SMC5: variants seen among roughly 807,000 people sequenced by gnomAD.
SMC5 encodes the protein structural maintenance of chromosomes protein 5.
SMC5 carries 88 observed loss-of-function variants against 148.3 expected under a neutral mutation model. That is an observed-to-expected ratio of 0.59 (90% CI 0.50 to 0.71). The LOEUF (loss-of-function observed/expected upper bound fraction) is 0.71, where lower values mean the gene tolerates loss of function less well. Among genes scored for constraint, SMC5 ranks in the 30% least tolerant of loss-of-function variants. SMC5 has a pLI of 0.00. For missense variants in SMC5, 1,142 were observed against 1,298.9 expected, an observed-to-expected ratio of 0.88 and a Z score of 1.86; for synonymous variants, 421 against 432.8, an observed-to-expected ratio of 0.97 and a Z score of 0.34.
At chr9:70,285,567 A>G (rs2075123127) in intron 7 of SMC5, among the ~76,000 whole-genome samples, 1 of 152,334 alleles carries the variant, frequency 6.6e-6, no homozygotes, top group East Asian at 1.9e-4. Context: ...AAATGGTAGA[A>G]ACACTCCCAA....
intron 3 of SMC5, among the ~76,000 whole-genome samples, chr9:70,272,370 A>T (rs892993093): frequency 9.9e-5 from 15 of 152,176 alleles, no homozygotes; most frequent in African/African-American, 3.4e-4. Context: ...ATGTTTTTTT[A>T]AAAAAGGAAC....
At chr9:70,322,708 C>T (rs1587692069) in intron 15 of SMC5, among the ~76,000 whole-genome samples, 1 of 151,982 alleles carries the variant, frequency 6.6e-6, no homozygotes, top group Non-Finnish European at 1.5e-5. Flanking sequence ...TGGCGGTGGG[C>T]GCCTGTAATC....
At chr9:70,308,328 G>A (rs972060789) in intron 11 of SMC5, among the ~76,000 whole-genome samples, 2 of 151,936 alleles carry the variant, frequency 1.3e-5, no homozygotes, top group African/African-American at 2.4e-5. Flanking sequence ...ATCTGTGGCC[G>A]GGCGCGGTGG....
At chr9:70,346,726 G>A (rs1414495657) in intron 19 of SMC5, 77 bp downstream of exon 19, 2 of 1,445,846 alleles carry the variant, frequency 1.4e-6, no homozygotes, top group East Asian at 4.5e-5. Context: ...TTGCTTTAAG[G>A]CCCGGAGATG....
Position 70,328,814 on chromosome 9 carries a change from C to A in SMC5, c.2397+4671C>A, listed in dbSNP as rs569555290. Among the ~76,000 whole-genome samples, 3 of 152,328 alleles carry A rather than the reference C, an allele frequency of 2.0e-5. No homozygotes were observed. In the South Asian group the frequency reaches 6.2e-4, roughly 32 times the overall value. ...GTAGAGGTTCTCCATGAGGGCTTAG[C>A]CCCTGCAGCAGACTTCTGCCTGGAC... is the stretch of plus-strand genomic sequence containing the variant. On this transcript the variant is annotated intron_variant, in intron 17 of 24. Transcript: ENST00000361138.
At chr9:70,348,213 T>G (rs558338070) in intron 22 of SMC5, among the ~76,000 whole-genome samples, 175 bp downstream of exon 22, 31 of 151,678 alleles carry the variant, frequency 2.0e-4, no homozygotes, top group African/African-American at 4.4e-4. Flanking sequence ...TCACTTTTTT[T>G]GGGGGGGGTT....
Position 70,300,167 on chromosome 9 carries a change from T to C in SMC5, c.1431T>C (p.Phe477=). ...GGCTAAGAAATAACAGAGACAAATT[T>C]AAACAAAGAGTCTGTGAGCCCATAA... ...VLWLRNNRDK[F]KQRVCEPIML... is the part of the protein sequence containing the mutation. The change falls in exon 10 of 25, where the codon TTT becomes TTC. Residue 477 remains phenylalanine, a synonymous_variant. Coordinates refer to ENST00000361138, the MANE Select transcript of SMC5 (RefSeq NM_015110.4). 1 of 1,600,794 alleles carries C rather than the reference T, an allele frequency of 6.2e-7. No homozygotes were observed. The highest frequency in any genetic ancestry group is 8.5e-7 in the Non-Finnish European group (1 of 1,176,426).
chr9:70,321,325 G>C (rs1177594663), intron 15 of SMC5, among the ~76,000 whole-genome samples: 1 of 151,850 alleles, frequency 6.6e-6, no homozygotes, highest in East Asian at 1.9e-4. Context: ...AATTATGTCT[G>C]CTTGGCCTTA....
chr9:70,280,727 C>A, intron 5 of SMC5, 32 bp from the exon 6 acceptor site: 1 of 1,568,378 alleles, frequency 6.4e-7, no homozygotes, highest in South Asian at 1.2e-5. Context: ...TTTTTTCTGT[C>A]AAACTGATTG....
Position 70,314,853 on chromosome 9 carries a change from C to T in SMC5, c.1673+17C>T, listed in dbSNP as rs11142363. 0.21 allele frequency: 275,265 copies of T among 1,311,656 alleles called. 30,174 individuals are homozygous for T. The highest frequency in any genetic ancestry group is 0.31 in the East Asian group (12,476 of 39,874). 81.3% of individuals were successfully genotyped at this position (1,311,656 alleles called of 1,614,324 possible). A position where few individuals can be genotyped will look rare whatever the true frequency, so the allele number is the denominator to read the frequency against. On this transcript the variant is annotated intron_variant, in intron 12 of 24. Transcript: ENST00000361138. ...TGAACTTAAGTAAGTCTTGAAAATA[C>T]TAAGATTTATTTAAATATTGAATTA... is the stretch of plus-strand genomic sequence containing the variant.
chr9:70,320,687 T>G (rs995281697), intron 15 of SMC5, among the ~76,000 whole-genome samples: 1 of 152,148 alleles, frequency 6.6e-6, no homozygotes, highest in Non-Finnish European at 1.5e-5. Flanking sequence ...GCAACCAATG[T>G]CTGATGGATA....
chr9:70,318,517 A>G lies in SMC5; in HGVS notation c.1810A>G (p.Ile604Val), dbSNP rs1245556901. ...TAATAGTTGTTTTACGTTATAGGTA[A>G]TACAAGAAACCCGATTAAAACAGAT... ...EKTRERIERV[I>V]QETRLKQIYT... Residue 604 changes from isoleucine (I) to valine (V), a missense_variant, in exon 14 of 25, where the codon ATA becomes GTA. Around this residue, in one of 5 missense-constraint regions of SMC5, gnomAD observed 743 missense variants for 835.7 expected, o/e 0.89. Coordinates refer to ENST00000361138, the MANE Select transcript of SMC5 (RefSeq NM_015110.4). 1.3e-6 allele frequency: 2 copies of G among 1,594,292 alleles called. No homozygotes were observed. The highest frequency in any genetic ancestry group is 8.5e-7 in the Non-Finnish European group (1 of 1,171,284).
At chr9:70,288,944 CACAT>C (rs2034982482) in intron 8 of SMC5, among the ~76,000 whole-genome samples, 1 of 152,160 alleles carries the variant, frequency 6.6e-6, no homozygotes, top group Non-Finnish European at 1.5e-5. Flanking sequence ...TGTATACACA[CACAT>C]ATATACATAC....
intron 17 of SMC5, among the ~76,000 whole-genome samples, chr9:70,330,671 TAGC>T: frequency 6.6e-6 from 1 of 151,572 alleles, no homozygotes; most frequent in Non-Finnish European, 1.5e-5. Context: ...GCCTCCCAAG[TAGC>T]TGGGACTAGC....
chr9:70,301,552 T>G (rs371492000), intron 10 of SMC5, among the ~76,000 whole-genome samples: 11 of 152,250 alleles, frequency 7.2e-5, no homozygotes, highest in African/African-American at 2.4e-4. Context: ...TTTAGTCATA[T>G]AAATGGTCAT....
At chr9:70,352,121 C>A in intron 24 of SMC5, 70 bp from the exon 25 acceptor site, 3 of 1,321,082 alleles carry the variant, frequency 2.3e-6, no homozygotes, top group Non-Finnish European at 3.1e-6. Context: ...TTTGACTGTA[C>A]ACATGTAAGG....
intron 13 of SMC5, among the ~76,000 whole-genome samples, chr9:70,317,127 G>T (rs984573086): frequency 2.6e-5 from 4 of 152,040 alleles, no homozygotes; most frequent in African/African-American, 9.7e-5. Context: ...TCTTTCAGAA[G>T]ATATAAACCT....
intron 11 of SMC5, chr9:70,311,199 A>G (rs938639931): frequency 1.3e-5 from 2 of 152,186 alleles, no homozygotes; most frequent in African/African-American, 4.8e-5. Flanking sequence ...CTTTTGATTT[A>G]AAGTGAAAAA....
chr9:70,291,734 A>T (rs1300069844), intron 8 of SMC5, among the ~76,000 whole-genome samples: 1 of 152,220 alleles, frequency 6.6e-6, no homozygotes, highest in African/African-American at 2.4e-5. Flanking sequence ...AGTCAGGTCA[A>T]ATACAAACAA....
Sources: gnomAD v4.1 joint callset for allele counts (sites outside exome capture counted in the v4.1 genomes callset) on GRCh38, gnomAD v4.1.1 for gene constraint, gnomAD v4.1.1 regional missense constraint, MANE v1.5 for transcripts, NCBI Gene and HGNC (gene_info 2026-07-23, HGNC 2026-07-21) for gene names.